Variants in ARHGAP24 observed in about 807,000 individuals in gnomAD.
The protein encoded by ARHGAP24 is rho GTPase-activating protein 24.
In ARHGAP24, 50 loss-of-function variants were observed where a neutral mutation model predicts 76.4. The ratio of observed to expected loss-of-function variants is 0.65; its 90% CI spans 0.52 to 0.83. The LOEUF (loss-of-function observed/expected upper bound fraction) is 0.83. Among genes scored for constraint, ARHGAP24 ranks in the 40% least tolerant of loss-of-function variants. ARHGAP24 has a pLI of 0.00. For synonymous variants in ARHGAP24, 345 were observed against 323.3 expected (o/e 1.07, Z -0.72); for missense variants, 930 against 914.2 (o/e 1.02, Z -0.22).
intron 3 of ARHGAP24, among the ~76,000 whole-genome samples, chr4:85,828,959 A>T (rs564837679): frequency 1.3e-5 from 2 of 152,298 alleles, no homozygotes; most frequent in East Asian, 3.9e-4. Context: ...AGATTTTAAA[A>T]TGAAAAAGAA....
intron 4 of ARHGAP24, chr4:85,930,718 A>G: frequency 7.9e-7 from 1 of 1,272,576 alleles, no homozygotes; most frequent in Non-Finnish European, 9.9e-7. Context: ...GGATTAGGCA[A>G]GAGAAAAGGA....
At chr4:85,758,849 GC>G (rs1726627980) in intron 3 of ARHGAP24, among the ~76,000 whole-genome samples, 1 of 152,174 alleles carries the variant, frequency 6.6e-6, no homozygotes, top group East Asian at 1.9e-4. Context: ...GGAAAATGAT[GC>G]GTAAATCACC....
At chr4:85,566,806 C>A (rs1444843486) in intron 1 of ARHGAP24, among the ~76,000 whole-genome samples, 1 of 151,994 alleles carries the variant, frequency 6.6e-6, no homozygotes, top group Non-Finnish European at 1.5e-5. Context: ...CACAGTTCAG[C>A]GATAGAGAAT....
chr4:85,733,446 A>G (rs1725494097), intron 3 of ARHGAP24, among the ~76,000 whole-genome samples: 1 of 152,184 alleles, frequency 6.6e-6, no homozygotes, highest in South Asian at 2.1e-4. Flanking sequence ...TCCCATATAG[A>G]AAGTTTTTCT....
chr4:85,494,504 G>A (rs1723480908), intron 1 of ARHGAP24, among the ~76,000 whole-genome samples: 1 of 151,956 alleles, frequency 6.6e-6, no homozygotes, highest in Admixed American at 6.6e-5. Context: ...GGCCAACATG[G>A]TGAAACCACG....
intron 9 of ARHGAP24, among the ~76,000 whole-genome samples, chr4:85,998,130 C>A (rs1740791522): frequency 6.6e-6 from 1 of 152,156 alleles, no homozygotes; most frequent in Non-Finnish European, 1.5e-5. Flanking sequence ...TATTTCTTCT[C>A]ATTTTTATCA....
intron 1 of ARHGAP24, among the ~76,000 whole-genome samples, chr4:85,485,815 C>T (rs1157063417): frequency 6.6e-6 from 1 of 151,770 alleles, no homozygotes; most frequent in Non-Finnish European, 1.5e-5. Flanking sequence ...TCACTGCAAC[C>T]TCTGCCTCCC....
intron 6 of ARHGAP24, 27 bp downstream of exon 6, chr4:85,972,195 A>T (rs765978393): frequency 6.2e-7 from 1 of 1,612,040 alleles, no homozygotes; most frequent in South Asian, 1.1e-5. Context: ...ATTTCCAAAT[A>T]AGCTTTTGTT....
intron 3 of ARHGAP24, among the ~76,000 whole-genome samples, chr4:85,890,592 T>G (rs1733830928): frequency 6.6e-6 from 1 of 152,104 alleles, no homozygotes; most frequent in Non-Finnish European, 1.5e-5. Context: ...AATAGAAATT[T>G]TACAAGGAAA....
chr4:85,667,014 T>G (rs1208351414), intron 2 of ARHGAP24, among the ~76,000 whole-genome samples: 1 of 152,182 alleles, frequency 6.6e-6, no homozygotes, highest in South Asian at 2.1e-4. Context: ...GGAGAACCAC[T>G]GCTCTCTTCA....
intron 3 of ARHGAP24, among the ~76,000 whole-genome samples, chr4:85,813,739 A>T (rs996028963): frequency 2.0e-5 from 3 of 149,852 alleles, no homozygotes; most frequent in African/African-American, 7.3e-5. Context: ...TGATATTGTA[A>T]ATATTGTGAA....
At chr4:85,741,245 A>G (rs1421062650) in intron 3 of ARHGAP24, among the ~76,000 whole-genome samples, 4 of 152,222 alleles carry the variant, frequency 2.6e-5, no homozygotes, top group Non-Finnish European at 5.9e-5. Flanking sequence ...ACAACAGAAA[A>G]CAATATTAAG....
intron 2 of ARHGAP24, among the ~76,000 whole-genome samples, chr4:85,713,173 C>T (rs577830634): frequency 2.4e-4 from 36 of 152,154 alleles, no homozygotes; most frequent in African/African-American, 7.7e-4. Flanking sequence ...TGGCATGCAC[C>T]TGGAGTCCCT....
At chr4:85,816,898 T>G (rs1294648943) in intron 3 of ARHGAP24, among the ~76,000 whole-genome samples, 3 of 152,210 alleles carry the variant, frequency 2.0e-5, no homozygotes, top group Non-Finnish European at 4.4e-5. Flanking sequence ...CAAAGGGTTA[T>G]TTTTCTCAGC....
intron 1 of ARHGAP24, among the ~76,000 whole-genome samples, chr4:85,515,504 A>G (rs185204562): frequency 4.6e-5 from 7 of 150,876 alleles, no homozygotes; most frequent in Admixed American, 2.6e-4. Context: ...ATATATATAT[A>G]TTCTTATTCT....
chr4:85,917,904 A>G (rs1302360608), intron 3 of ARHGAP24, among the ~76,000 whole-genome samples: 1 of 152,202 alleles, frequency 6.6e-6, no homozygotes, highest in Non-Finnish European at 1.5e-5. Flanking sequence ...AAAGTAATGC[A>G]CATAGGAACA....
intron 2 of ARHGAP24, among the ~76,000 whole-genome samples, chr4:85,611,402 A>C (rs1345927326): frequency 1.3e-5 from 2 of 152,238 alleles, no homozygotes; most frequent in African/African-American, 4.8e-5. Flanking sequence ...CAGTCACTGC[A>C]TAATATTAAA....
At chr4:85,487,749 ATTTATTATATATTATATAATAT>A in intron 1 of ARHGAP24, among the ~76,000 whole-genome samples, 1 of 104,566 alleles carries the variant, frequency 9.6e-6, no homozygotes, top group Admixed American at 1.5e-4. Flanking sequence ...TATAATATAT[ATTTATTATATATTATATAATAT>A]ATATTTATTA....
intron 3 of ARHGAP24, among the ~76,000 whole-genome samples, chr4:85,780,114 G>A (rs1488831732): frequency 6.6e-6 from 1 of 152,020 alleles, no homozygotes; most frequent in Non-Finnish European, 1.5e-5. Flanking sequence ...ACATTGCATG[G>A]TATATAAGGC....
Sources: gnomAD v4.1 joint callset for allele counts (sites outside exome capture counted in the v4.1 genomes callset) on GRCh38, gnomAD v4.1.1 for gene constraint, MANE v1.5 for transcripts, NCBI Gene and HGNC (gene_info 2026-07-23, HGNC 2026-07-21) for gene names.